FILIP1L: variants seen among roughly 807,000 people sequenced by gnomAD.
FILIP1L encodes the protein filamin A interacting protein 1 like, also known as filamin A-interacting protein 1-like.
In FILIP1L, 55 loss-of-function variants were observed where a neutral mutation model predicts 96.6. The observed-to-expected ratio is 0.57, with a 90% CI of 0.46 to 0.71. The LOEUF (loss-of-function observed/expected upper bound fraction) is 0.71. Ranked by LOEUF, FILIP1L falls within the 30% of genes least tolerant of loss-of-function variation. FILIP1L has a pLI of 0.00. For synonymous variants in FILIP1L, 467 were observed against 473.9 expected, an observed-to-expected ratio of 0.99 and a Z score of 0.19; for missense variants, 1,304 against 1,321.2, an observed-to-expected ratio of 0.99 and a Z score of 0.20.
At chr3:99,992,431 G>T (rs1709551631) in intron 1 of FILIP1L, among the ~76,000 whole-genome samples, 1 of 151,964 alleles carries the variant, frequency 6.6e-6, no homozygotes, top group South Asian at 2.1e-4. Context: ...GTAATGTTGA[G>T]AATTTTTTCA....
chr3:99,834,033 A>G (rs1157362055), intron 5 of FILIP1L, among the ~76,000 whole-genome samples: 2 of 152,208 alleles, frequency 1.3e-5, no homozygotes, highest in Non-Finnish European at 2.9e-5. Flanking sequence ...TGTCTTTTAT[A>G]TTGTTTGACA....
intron 1 of FILIP1L, among the ~76,000 whole-genome samples, chr3:99,986,791 G>C (rs1709354532): frequency 6.6e-6 from 1 of 152,176 alleles, no homozygotes; most frequent in African/African-American, 2.4e-5. Context: ...CTAGTGAGTA[G>C]AAGCCAGGGT....
At chr3:99,938,653 G>A (rs1707765250) in intron 1 of FILIP1L, among the ~76,000 whole-genome samples, 1 of 152,028 alleles carries the variant, frequency 6.6e-6, no homozygotes, top group South Asian at 2.1e-4. Flanking sequence ...AAGATTATGG[G>A]GTTCTCAGCA....
chr3:99,983,458 A>ATATGTG (rs771146451), intron 1 of FILIP1L, among the ~76,000 whole-genome samples: 7 of 16,246 alleles, frequency 4.3e-4, no homozygotes, highest in South Asian at 1.7e-3. Flanking sequence ...ATATATATAT[A>ATATGTG]TGTGTGTATA....
In FILIP1L at chr3:100,070,103, G is replaced by A. The variant is rs368626642; in HGVS notation, c.-11+43950C>T. On this transcript the variant is annotated intron_variant, in intron 1 of 5. Coordinates refer to ENST00000477258, the MANE Select transcript of FILIP1L (RefSeq NM_001387850.1). ...GTCATAAGGTATGCAGAAAGAGGCCGTGGATTTGGACAGTGATACCAAACA... is the reference window on the plus strand; with the variant it reads ...GTCATAAGGTATGCAGAAAGAGGCCATGGATTTGGACAGTGATACCAAACA... Among the ~76,000 whole-genome samples the A allele has an allele frequency of 1.4e-4, 22 of 152,300 alleles. No homozygotes were observed. The South Asian group carries it at 3.9e-3, about 27-fold the overall frequency.
chr3:100,086,638 G>A (rs1014152116), intron 1 of FILIP1L, among the ~76,000 whole-genome samples: 2 of 152,216 alleles, frequency 1.3e-5, no homozygotes, highest in African/African-American at 4.8e-5. Flanking sequence ...CAGCAATTTA[G>A]TGTAGAGCCT....
At chr3:100,094,605 C>G (rs2107442513) in intron 1 of FILIP1L, among the ~76,000 whole-genome samples, 1 of 146,928 alleles carries the variant, frequency 6.8e-6, no homozygotes, top group East Asian at 2.0e-4. Context: ...AGGTGGTAGA[C>G]TTGAGTTCAG....
At chr3:99,961,195 G>A (rs1708479322) in intron 1 of FILIP1L, among the ~76,000 whole-genome samples, 2 of 152,222 alleles carry the variant, frequency 1.3e-5, no homozygotes, top group African/African-American at 2.4e-5. Context: ...CCAGGATGAG[G>A]GAGGTGGTGC....
chr3:100,094,489 A>G (rs182629918), intron 1 of FILIP1L, among the ~76,000 whole-genome samples: 17 of 152,190 alleles, frequency 1.1e-4, no homozygotes, highest in African/African-American at 3.9e-4. Flanking sequence ...TTAAGTATAA[A>G]AACTCTTTGT....
intron 1 of FILIP1L, among the ~76,000 whole-genome samples, chr3:100,014,800 T>G (rs1320231932): frequency 6.7e-6 from 1 of 149,826 alleles, no homozygotes; most frequent in Non-Finnish European, 1.5e-5. Context: ...GCATCTTCAT[T>G]CTATTGATTT....
At chr3:100,008,483 C>T (rs1445425604) in intron 1 of FILIP1L, among the ~76,000 whole-genome samples, 1 of 152,140 alleles carries the variant, frequency 6.6e-6, no homozygotes, top group Non-Finnish European at 1.5e-5. Context: ...TTCTCATTCT[C>T]CAGGACTTCT....
chr3:100,110,500 T>C (rs560588626), intron 1 of FILIP1L, among the ~76,000 whole-genome samples: 1 of 152,078 alleles, frequency 6.6e-6, no homozygotes, highest in South Asian at 2.1e-4. Flanking sequence ...AAGCCACAAA[T>C]AGAGAAAAAA....
chr3:99,846,641 A>T (rs1233199337), intron 5 of FILIP1L, among the ~76,000 whole-genome samples: 1 of 152,224 alleles, frequency 6.6e-6, no homozygotes, highest in African/African-American at 2.4e-5. Context: ...TTTAATGATG[A>T]TGCAAGCCCA....
chr3:99,982,400 C>T (rs957036898), intron 1 of FILIP1L, among the ~76,000 whole-genome samples: 21 of 151,898 alleles, frequency 1.4e-4, no homozygotes, highest in Admixed American at 9.8e-4. Context: ...CATGTAGTGG[C>T]GCATTCATGG....
chr3:100,076,508 A>G (rs1262032685), intron 1 of FILIP1L, among the ~76,000 whole-genome samples: 2 of 152,174 alleles, frequency 1.3e-5, no homozygotes, highest in East Asian at 1.9e-4. Flanking sequence ...GCAAAATCCT[A>G]TCTAATCTGT....
At chr3:100,073,199 A>T (rs1218269640) in intron 1 of FILIP1L, among the ~76,000 whole-genome samples, 2 of 152,150 alleles carry the variant, frequency 1.3e-5, no homozygotes, top group Non-Finnish European at 2.9e-5. Flanking sequence ...CTGGTTTGCC[A>T]CCTGTTTTTA....
chr3:99,840,255 GCT>G (rs1943075232), intron 5 of FILIP1L, among the ~76,000 whole-genome samples: 1 of 99,340 alleles, frequency 1.0e-5, no homozygotes, highest in Non-Finnish European at 1.8e-5. Context: ...AGACAGCCTT[GCT>G]CTGTCGCCCA....
At chr3:100,080,053 TC>T (rs1224612893) in intron 1 of FILIP1L, among the ~76,000 whole-genome samples, 6 of 152,154 alleles carry the variant, frequency 3.9e-5, no homozygotes, top group Non-Finnish European at 7.3e-5. Flanking sequence ...ATTAACGGTG[TC>T]AACACTGGGT....
At chr3:99,859,037 C>G (rs1050535204) in intron 4 of FILIP1L, among the ~76,000 whole-genome samples, 1 of 152,232 alleles carries the variant, frequency 6.6e-6, no homozygotes, top group Non-Finnish European at 1.5e-5. Context: ...CAAATGTTCT[C>G]TCCCAGTCCA....
Sources: gnomAD v4.1 joint callset for allele counts (sites outside exome capture counted in the v4.1 genomes callset) on GRCh38, gnomAD v4.1.1 for gene constraint, MANE v1.5 for transcripts, NCBI Gene and HGNC (gene_info 2026-07-23, HGNC 2026-07-21) for gene names.